The following LHPP variants were observed in gnomAD, a reference collection of about 807,000 sequenced individuals.
LHPP encodes the protein hLHPP.
A neutral mutation model predicts 30.3 loss-of-function variants in LHPP; 24 were observed. That is an observed-to-expected ratio of 0.79 (90% CI 0.57 to 1.11). LHPP has a LOEUF of 1.11. Among genes scored for constraint, LHPP ranks in the 50% most tolerant of loss-of-function variants. The probability of loss-of-function intolerance (pLI) is 0.00; values close to 1 mark genes in which losing one functional copy is unlikely to be tolerated. For missense variants in LHPP, 356 were observed against 367.2 expected (o/e 0.97, Z 0.25); for synonymous variants, 150 against 157.1 (o/e 0.95, Z 0.34).
chr10:124,539,252 G>A (rs1955114256), intron 6 of LHPP, among the ~76,000 whole-genome samples: 1 of 152,170 alleles, frequency 6.6e-6, no homozygotes, highest in African/African-American at 2.4e-5. Context: ...TTTAAGATGA[G>A]CACAGCTCCG....
At chr10:124,567,553 G>A (rs1219974031) in intron 6 of LHPP, among the ~76,000 whole-genome samples, 1 of 152,234 alleles carries the variant, frequency 6.6e-6, no homozygotes, top group Non-Finnish European at 1.5e-5. Flanking sequence ...GTCCTTTGTG[G>A]GCTATTGGAG....
chr10:124,609,820 A>G (rs1360971959), intron 6 of LHPP, among the ~76,000 whole-genome samples: 5 of 152,094 alleles, frequency 3.3e-5, no homozygotes, highest in Admixed American at 6.5e-5. Flanking sequence ...CGCGGCAGGA[A>G]CTCACCCCAG....
chr10:124,487,039 C>T (rs1373114831), intron 2 of LHPP, among the ~76,000 whole-genome samples: 1 of 152,246 alleles, frequency 6.6e-6, no homozygotes, highest in Non-Finnish European at 1.5e-5. Flanking sequence ...GTTTTTGAGA[C>T]TCATCCATAT....
intron 1 of LHPP, among the ~76,000 whole-genome samples, chr10:124,473,764 C>A (rs1952860025): frequency 6.6e-6 from 1 of 152,120 alleles, no homozygotes; most frequent in African/African-American, 2.4e-5. Flanking sequence ...ACCAGCCTGG[C>A]CAACATGGTG....
At chr10:124,467,393 G>T (rs1324806800) in intron 1 of LHPP, among the ~76,000 whole-genome samples, 1 of 151,278 alleles carries the variant, frequency 6.6e-6, no homozygotes, top group Admixed American at 6.6e-5. Context: ...GTGGAGAGGG[G>T]GCAGGGAGGG....
At chr10:124,501,834 A>G (rs1172801426) in intron 5 of LHPP, among the ~76,000 whole-genome samples, 1 of 151,860 alleles carries the variant, frequency 6.6e-6, no homozygotes, top group Non-Finnish European at 1.5e-5. Context: ...TGACTGTCTC[A>G]GAAATGCTCT....
chr10:124,540,626 C>T (rs1325217683), intron 6 of LHPP, among the ~76,000 whole-genome samples: 1 of 152,244 alleles, frequency 6.6e-6, no homozygotes, highest in Non-Finnish European at 1.5e-5. Flanking sequence ...GCCTCGCACA[C>T]CCCTGCACTT....
chr10:124,535,927 G>A (rs929879312), intron 6 of LHPP, among the ~76,000 whole-genome samples: 2 of 152,242 alleles, frequency 1.3e-5, no homozygotes, highest in Non-Finnish European at 2.9e-5. Context: ...ATCAAGGTGG[G>A]GCCCCTGGAC....
At chr10:124,492,496 C>T (rs141326915) in intron 3 of LHPP, among the ~76,000 whole-genome samples, 7 of 152,212 alleles carry the variant, frequency 4.6e-5, no homozygotes, top group African/African-American at 7.2e-5. Flanking sequence ...GATTCTTGCT[C>T]GGGGAAGGTC....
chr10:124,519,901 C>T (rs1258731529), intron 6 of LHPP, among the ~76,000 whole-genome samples: 4 of 151,952 alleles, frequency 2.6e-5, no homozygotes, highest in Admixed American at 2.0e-4. Context: ...GGCGCAGTCT[C>T]GGCTCACTGC....
chr10:124,534,899 A>G (rs1246263683), intron 6 of LHPP, among the ~76,000 whole-genome samples: 3 of 152,216 alleles, frequency 2.0e-5, no homozygotes, highest in Admixed American at 2.0e-4. Context: ...AGAAAGAGCA[A>G]TGGAATCTGG....
chr10:124,498,819 C>G lies in LHPP; in HGVS notation c.624+691C>G, dbSNP rs760602818. 3.6e-4 allele frequency: 136 copies of G among 380,468 alleles called. 1 individual carries two copies. The highest frequency in any genetic ancestry group is 6.7e-4 in the Non-Finnish European group (129 of 193,640). The allele number at this position is 380,468 out of a possible 1,614,324, so 23.6% of individuals were successfully genotyped here. A position where few individuals can be genotyped will look rare whatever the true frequency, so the allele number is the denominator to read the frequency against. ...CCTTAACCCCCTTACTAACCAGGCC[C>G]CCCCCCCGCCAACCCCAACTGAGTA... On this transcript the variant is annotated intron_variant, in intron 5 of 6. Transcript: ENST00000368842.
chr10:124,475,550 A>G (rs1028253962), intron 1 of LHPP, among the ~76,000 whole-genome samples: 1 of 152,154 alleles, frequency 6.6e-6, no homozygotes, highest in African/African-American at 2.4e-5. Context: ...CAAAAATAAA[A>G]TAAAATAAAA....
At chr10:124,486,358 A>G (rs1477039633) in intron 2 of LHPP, among the ~76,000 whole-genome samples, 3 of 152,222 alleles carry the variant, frequency 2.0e-5, no homozygotes, top group Admixed American at 6.5e-5. Flanking sequence ...AAATAGAATC[A>G]TACAGTATAT....
chr10:124,551,137 T>C (rs1028604777), intron 6 of LHPP, among the ~76,000 whole-genome samples: 6 of 152,254 alleles, frequency 3.9e-5, no homozygotes, highest in Non-Finnish European at 2.9e-5. Flanking sequence ...AGTGTCTCCA[T>C]GAAGTTGGGG....
At chr10:124,535,363 C>G (rs541584710) in intron 6 of LHPP, among the ~76,000 whole-genome samples, 11 of 152,254 alleles carry the variant, frequency 7.2e-5, no homozygotes, top group African/African-American at 2.2e-4. Context: ...ACTGTCAGTT[C>G]CATTTGTTTC....
intron 6 of LHPP, among the ~76,000 whole-genome samples, chr10:124,522,733 A>G (rs10751591): frequency 5.5e-4 from 80 of 144,506 alleles, no homozygotes; most frequent in Non-Finnish European, 7.0e-4. Context: ...GCCCCCCCCC[A>G]AGCACTGTCT....
At chr10:124,574,423 C>G (rs2133984142) in intron 6 of LHPP, among the ~76,000 whole-genome samples, 1 of 152,296 alleles carries the variant, frequency 6.6e-6, no homozygotes, top group South Asian at 2.1e-4. Context: ...ACTTCACAGG[C>G]AGAGAGCCTG....
intron 6 of LHPP, among the ~76,000 whole-genome samples, chr10:124,539,083 C>T (rs1483868380): frequency 2.6e-5 from 4 of 152,148 alleles, no homozygotes; most frequent in Admixed American, 6.5e-5. Context: ...TTGAGAGAAT[C>T]GGGTGATTTG....
Sources: allele counts gnomAD v4.1 joint callset (sites outside exome capture counted in the v4.1 genomes callset), GRCh38; gene constraint gnomAD v4.1.1; transcripts MANE v1.5; gene names NCBI Gene and HGNC (gene_info 2026-07-23, HGNC 2026-07-21).